Variants in B3GALT1 observed in about 807,000 individuals in gnomAD.
The protein encoded by B3GALT1 is beta-1,3-galactosyltransferase 1.
B3GALT1 carries 10 observed loss-of-function variants against 23.2 expected under a neutral mutation model. The observed-to-expected ratio is 0.43, with a 90% CI of 0.27 to 0.73. The LOEUF is 0.73. Ranked by LOEUF, B3GALT1 falls within the 30% of genes least tolerant of loss-of-function variation. The pLI is 0.21. For synonymous variants in B3GALT1, 156 were observed against 141.5 expected (o/e 1.10, Z -0.73); for missense variants, 299 against 405.4 (o/e 0.74, Z 2.25).
intron 1 of B3GALT1, among the ~76,000 whole-genome samples, chr2:167,398,783 A>G (rs1386445708): frequency 6.6e-6 from 1 of 152,110 alleles, no homozygotes; most frequent in African/African-American, 2.4e-5. Flanking sequence ...CCCACTATAT[A>G]TCAGGAGTTG....
chr2:167,454,394 C>T (rs541671093), intron 1 of B3GALT1, among the ~76,000 whole-genome samples: 81 of 152,276 alleles, frequency 5.3e-4, no homozygotes, highest in Non-Finnish European at 7.1e-4. Context: ...ATTTTCCTTT[C>T]GCTCCGTTAC....
chr2:167,638,856 T>A (rs1490112704), intron 2 of B3GALT1, among the ~76,000 whole-genome samples: 1 of 152,054 alleles, frequency 6.6e-6, no homozygotes, highest in Non-Finnish European at 1.5e-5. Flanking sequence ...AGAGCACCAA[T>A]CTGGGATTCT....
intron 4 of B3GALT1, among the ~76,000 whole-genome samples, chr2:167,840,010 C>A (rs1689601430): frequency 6.6e-6 from 1 of 152,228 alleles, no homozygotes; most frequent in East Asian, 1.9e-4. Flanking sequence ...CTTCCTTACA[C>A]CTTATACAAA....
At chr2:167,573,801 A>G (rs1431898) in intron 2 of B3GALT1, among the ~76,000 whole-genome samples, 16,399 of 151,628 alleles carry the variant, frequency 0.11, 1,903 homozygotes, top group African/African-American at 0.28. Context: ...TAGCATGACA[A>G]TTGGCTTATG....
intron 3 of B3GALT1, chr2:167,714,681 T>G: frequency 6.2e-7 from 1 of 1,613,906 alleles, no homozygotes; most frequent in Non-Finnish European, 8.5e-7. Context: ...AACCAATTAT[T>G]ATGTCCTTTT....
At chr2:167,604,995 T>G (rs891741) in intron 2 of B3GALT1, among the ~76,000 whole-genome samples, 123,163 of 152,128 alleles carry the variant, frequency 0.81, 49,947 homozygotes, top group Admixed American at 0.88. Context: ...AATGAGAGAA[T>G]GCACATTACA....
chr2:167,328,375 TTA>T (rs1253101138), intron 1 of B3GALT1, among the ~76,000 whole-genome samples: 2 of 152,212 alleles, frequency 1.3e-5, no homozygotes, highest in Non-Finnish European at 2.9e-5. Context: ...TTGCAAGACT[TTA>T]TTACTGATTT....
chr2:167,553,378 C>T (rs1683783266), intron 2 of B3GALT1, among the ~76,000 whole-genome samples: 1 of 152,192 alleles, frequency 6.6e-6, no homozygotes, highest in Admixed American at 6.5e-5. Flanking sequence ...GTAAGAAGAA[C>T]CCCTTCTTTT....
chr2:167,566,605 T>G (rs1187605516), intron 2 of B3GALT1, among the ~76,000 whole-genome samples: 1 of 152,068 alleles, frequency 6.6e-6, no homozygotes, highest in African/African-American at 2.4e-5. Context: ...CTTATTTGAA[T>G]GACGTGAGGT....
chr2:167,661,719 G>A (rs748468717), intron 3 of B3GALT1, among the ~76,000 whole-genome samples: 1 of 152,054 alleles, frequency 6.6e-6, no homozygotes, highest in Non-Finnish European at 1.5e-5. Context: ...AGTTAAATAT[G>A]CCCTGAGAGA....
intron 1 of B3GALT1, among the ~76,000 whole-genome samples, chr2:167,343,352 G>A (rs1004267884): frequency 2.0e-5 from 3 of 152,100 alleles, no homozygotes; most frequent in Admixed American, 2.0e-4. Flanking sequence ...TTAAATAAAA[G>A]CAATTTATCA....
At chr2:167,462,290 T>G (rs1699270103) in intron 1 of B3GALT1, among the ~76,000 whole-genome samples, 1 of 152,134 alleles carries the variant, frequency 6.6e-6, no homozygotes, top group Non-Finnish European at 1.5e-5. Flanking sequence ...AATATAACAG[T>G]TGGCTCTCAA....
chr2:167,512,940 G>A (rs13397432), intron 2 of B3GALT1, among the ~76,000 whole-genome samples: 1 of 147,620 alleles, frequency 6.8e-6, no homozygotes, highest in Non-Finnish European at 1.5e-5. Context: ...ATTCTACCCA[G>A]CCTATATTTT....
At chr2:167,744,420 C>G (rs1574240970) in intron 3 of B3GALT1, among the ~76,000 whole-genome samples, 1 of 152,080 alleles carries the variant, frequency 6.6e-6, no homozygotes, top group African/African-American at 2.4e-5. Flanking sequence ...TATTATAGAT[C>G]TCTCATGAAT....
At chr2:167,494,334 C>T (rs537376484) in intron 2 of B3GALT1, among the ~76,000 whole-genome samples, 12 of 148,714 alleles carry the variant, frequency 8.1e-5, no homozygotes, top group African/African-American at 3.0e-4. Flanking sequence ...TGAGACTCCT[C>T]TCAAAAAAAA....
intron 2 of B3GALT1, among the ~76,000 whole-genome samples, chr2:167,644,019 G>A (rs914199077): frequency 1.3e-5 from 2 of 152,058 alleles, no homozygotes; most frequent in Admixed American, 1.3e-4. Context: ...AAGAGAAGAG[G>A]AGCAAAATAC....
intron 1 of B3GALT1, among the ~76,000 whole-genome samples, chr2:167,353,839 G>T (rs1697357971): frequency 1.3e-5 from 2 of 151,986 alleles, no homozygotes; most frequent in Admixed American, 6.6e-5. Flanking sequence ...CTAGAGTTTT[G>T]GGAAAGGAAT....
chr2:167,794,227 A>T (rs1024541806), intron 3 of B3GALT1, among the ~76,000 whole-genome samples: 1 of 152,220 alleles, frequency 6.6e-6, no homozygotes, highest in African/African-American at 2.4e-5. Flanking sequence ...GTCTGATTCA[A>T]TTATTTTTCA....
chr2:167,447,254 A>T (rs950292577), intron 1 of B3GALT1, among the ~76,000 whole-genome samples: 19 of 152,104 alleles, frequency 1.2e-4, no homozygotes, highest in Admixed American at 7.2e-4. Context: ...TGGCCGTGTG[A>T]GGTGTCAGTC....
Sources: allele counts gnomAD v4.1 joint callset (sites outside exome capture counted in the v4.1 genomes callset), GRCh38; gene constraint gnomAD v4.1.1; transcripts MANE v1.5; gene names NCBI Gene and HGNC (gene_info 2026-07-23, HGNC 2026-07-21).